The following RFT1 variants were observed in gnomAD, a reference collection of about 807,000 sequenced individuals.
RFT1 encodes the protein man(5)GlcNAc(2)-PP-dolichol translocation protein RFT1.
A neutral mutation model predicts 62.2 loss-of-function variants in RFT1; 43 were observed. That is an observed-to-expected ratio of 0.69 (90% CI 0.54 to 0.89). The LOEUF is 0.89. Among genes scored for constraint, RFT1 ranks in the 40% least tolerant of loss-of-function variants. The pLI is 0.00. For missense variants in RFT1, 605 were observed against 649.9 expected, an observed-to-expected ratio of 0.93 and a Z score of 0.75; for synonymous variants, 262 against 264.6, an observed-to-expected ratio of 0.99 and a Z score of 0.10.
rs1295895942 is a variant in RFT1, at chr3:53,122,305, A to G, written c.456+69T>C. 8.4e-6 allele frequency: 12 copies of G among 1,432,152 alleles called. No homozygotes were observed. In the East Asian group the frequency reaches 9.1e-5, roughly 11 times the overall value. 88.7% of individuals were successfully genotyped at this position (1,432,152 alleles called of 1,614,324 possible). On this transcript the variant is annotated intron_variant, in intron 4 of 12. Transcript: ENST00000296292. ...AAAATCATTCATTCTCTCCTATAAAAGCATTTTTAAAAAACAACGCTTTTT... is the reference window on the plus strand; with the variant it reads ...AAAATCATTCATTCTCTCCTATAAAGGCATTTTTAAAAAACAACGCTTTTT...
chr3:53,122,673 TTATTTA>T lies in RFT1; in HGVS notation c.267-116_267-111del, dbSNP rs1229447249. ...TAGTTATAATACAAACAGCTACCAT[TTATTTA>T]TAAGATACTAACTACATGCCAGGCA... is the stretch of plus-strand genomic sequence containing the variant. On this transcript the variant is annotated intron_variant, in intron 3 of 12. Coordinates refer to ENST00000296292, the MANE Select transcript of RFT1 (RefSeq NM_052859.4). 8 of 650,676 alleles carry T rather than the reference TTATTTA, an allele frequency of 1.2e-5. No individual in the cohort carries two copies. In the African/African-American group the frequency reaches 1.5e-4, roughly 12 times the overall value. The allele number at this position is 650,676 out of a possible 1,614,324, so 40.3% of individuals were successfully genotyped here.
rs916865891 is a variant in RFT1 at position 53,130,331 on chromosome 3, A to G, written c.63+7T>C. The G allele has an allele frequency of 1.3e-6, 2 of 1,566,426 alleles. No individual in the cohort carries two copies. Among genetic ancestry groups the G allele is most frequent in the Admixed American group, 1.9e-5 (1 of 53,390 alleles). On this transcript the variant is annotated splice_region_variant and intron_variant, in intron 1 of 12. Coordinates refer to ENST00000296292, the MANE Select transcript of RFT1 (RefSeq NM_052859.4). ...GTACAAGCTGGAACCTGAAGGGCAG[A>G]GAGTACCTGCAGGAGGAGACCGGAG...
At chr3:53,109,861 C>CT (rs1701598948) in intron 7 of RFT1, among the ~76,000 whole-genome samples, 1 of 152,044 alleles carries the variant, frequency 6.6e-6, no homozygotes, top group South Asian at 2.1e-4. Flanking sequence ...GGGATTTCAA[C>CT]TTTTTTAGAG....
At chr3:53,071,728 CA>C in the RFT1 span, among the ~76,000 whole-genome samples, 1 of 152,216 alleles carries the variant, frequency 6.6e-6, no homozygotes, top group Non-Finnish European at 1.5e-5. Flanking sequence ...AAATCAGCCT[CA>C]AACTGCTCAG....
intron 6 of RFT1, among the ~76,000 whole-genome samples, chr3:53,114,063 C>T (rs1363692817): frequency 6.6e-6 from 1 of 152,172 alleles, no homozygotes; most frequent in Non-Finnish European, 1.5e-5. Flanking sequence ...AACAGGCCAT[C>T]TCCTTTCCCC....
the RFT1 span, among the ~76,000 whole-genome samples, chr3:53,080,849 C>G: frequency 4.6e-5 from 7 of 152,318 alleles, no homozygotes; most frequent in South Asian, 2.1e-4. Flanking sequence ...GGTCCAGTGA[C>G]TAGGCCTGGG....
intron 12 of RFT1, 97 bp downstream of exon 12, chr3:53,092,272 G>C: frequency 6.6e-7 from 1 of 1,524,990 alleles, no homozygotes; most frequent in Non-Finnish European, 8.9e-7. Flanking sequence ...CTGGGGAGGG[G>C]ACAGGAGGAG....
At chr3:53,097,010 G>T (rs960493976) in intron 11 of RFT1, among the ~76,000 whole-genome samples, 9 of 152,162 alleles carry the variant, frequency 5.9e-5, no homozygotes, top group Non-Finnish European at 1.0e-4. Context: ...ATCCCAAAGT[G>T]CTGGGATTAC....
intron 10 of RFT1, among the ~76,000 whole-genome samples, chr3:53,102,957 G>C (rs1315916743): frequency 6.6e-6 from 1 of 152,182 alleles, no homozygotes; most frequent in African/African-American, 2.4e-5. Context: ...CCCAATCTCT[G>C]CCCATAAACT....
At chr3:53,117,156 C>T (rs1701833141) in intron 6 of RFT1, among the ~76,000 whole-genome samples, 1 of 152,204 alleles carries the variant, frequency 6.6e-6, no homozygotes, top group Non-Finnish European at 1.5e-5. Flanking sequence ...ATGGAGCTAA[C>T]AGTATTTATC....
intron 2 of RFT1, among the ~76,000 whole-genome samples, chr3:53,125,097 A>C (rs1279318612): frequency 6.6e-6 from 1 of 152,256 alleles, no homozygotes; most frequent in Non-Finnish European, 1.5e-5. Context: ...GCCCCTGTTC[A>C]GCACTATGTA....
intron 11 of RFT1, among the ~76,000 whole-genome samples, chr3:53,096,907 G>A (rs1478474525): frequency 6.6e-6 from 1 of 151,962 alleles, no homozygotes; most frequent in African/African-American, 2.4e-5. Context: ...CCTACGCCCA[G>A]CTAATTTTTG....
At chr3:53,105,936 A>G (rs1163361390) in intron 8 of RFT1, 133 bp from the exon 9 acceptor site, 2 of 934,874 alleles carry the variant, frequency 2.1e-6, no homozygotes, top group Non-Finnish European at 3.1e-6. Flanking sequence ...ACACAGAGTT[A>G]TAAGAAGTAA....
chr3:53,123,855 G>A lies in RFT1; in HGVS notation c.150-15C>T. ...GCAGCGTTAGTCTGTAAATGAAAGG[G>A]AGAAATCAATAAGGTCTCAAGTTTT... On this transcript the variant is annotated splice_polypyrimidine_tract_variant and intron_variant, in intron 2 of 12. Coordinates refer to ENST00000296292, the MANE Select transcript of RFT1 (RefSeq NM_052859.4). The A allele has an allele frequency of 6.3e-7, 1 of 1,596,778 alleles. No individual in the cohort carries two copies. The highest frequency in any genetic ancestry group is 8.6e-7 in the Non-Finnish European group (1 of 1,164,344).
At chr3:53,101,717 T>C (rs1002334542) in intron 10 of RFT1, among the ~76,000 whole-genome samples, 1 of 152,196 alleles carries the variant, frequency 6.6e-6, no homozygotes, top group African/African-American at 2.4e-5. Flanking sequence ...CAGGCCCTGA[T>C]CCTATATGAC....
At chr3:53,101,602 C>T (rs1701316421) in intron 10 of RFT1, among the ~76,000 whole-genome samples, 1 of 152,178 alleles carries the variant, frequency 6.6e-6, no homozygotes, top group African/African-American at 2.4e-5. Flanking sequence ...ACTGTCCCCC[C>T]AAAATAGATA....
At chr3:53,072,285 G>A in the RFT1 span, among the ~76,000 whole-genome samples, 1 of 152,086 alleles carries the variant, frequency 6.6e-6, no homozygotes, top group Non-Finnish European at 1.5e-5. Context: ...CTGCCCGGGC[G>A]GGAACCCTGG....
chr3:53,130,086 G>A (rs1343940477), intron 1 of RFT1, among the ~76,000 whole-genome samples: 1 of 152,198 alleles, frequency 6.6e-6, no homozygotes, highest in Non-Finnish European at 1.5e-5. Context: ...TGCCATATGG[G>A]AAATAGAATG....
At chr3:53,107,473 T>C (rs1053572573) in intron 7 of RFT1, among the ~76,000 whole-genome samples, 3 of 151,984 alleles carry the variant, frequency 2.0e-5, no homozygotes. Flanking sequence ...GTGGAGATTA[T>C]TAAATGTTAA....
Sources: gnomAD v4.1 joint callset for allele counts (sites outside exome capture counted in the v4.1 genomes callset) on GRCh38, gnomAD v4.1.1 for gene constraint, MANE v1.5 for transcripts, NCBI Gene and HGNC (gene_info 2026-07-23, HGNC 2026-07-21) for gene names.